The following AGPAT3 variants were observed in gnomAD, a reference collection of about 807,000 sequenced individuals.
AGPAT3 encodes the protein 1-acylglycerol-3-phosphate O-acyltransferase 3.
Under a neutral mutation model 47.3 loss-of-function variants are expected in AGPAT3, and 5 were observed. That is an observed-to-expected ratio of 0.11 (90% CI 0.06 to 0.22). AGPAT3 has a LOEUF of 0.22. Ranked by LOEUF, AGPAT3 falls within the 10% of genes least tolerant of loss-of-function variation. The probability of loss-of-function intolerance (pLI) is 1.00; values close to 1 mark genes in which losing one functional copy is unlikely to be tolerated. For synonymous variants in AGPAT3, 212 were observed against 208.3 expected (o/e 1.02, Z -0.15); for missense variants, 315 against 493.0 (o/e 0.64, Z 3.42).
At chr21:43,888,030 G>C (rs2086019564) in intron 1 of AGPAT3, among the ~76,000 whole-genome samples, 1 of 152,126 alleles carries the variant, frequency 6.6e-6, no homozygotes, top group Non-Finnish European at 1.5e-5. Context: ...AGAAAACATC[G>C]TGTTTTAGTT....
chr21:43,969,080 G>T lies in AGPAT3; in HGVS notation c.349-38G>T, dbSNP rs200326727. ...GCCAAGCCCCTGGCCTCTGTCCGAC[G>T]CTGAAGTGCCAGGTGCCCCTCCTTC... On this transcript the variant is annotated intron_variant, in intron 4 of 9. Transcript: ENST00000291572. The T allele has an allele frequency of 6.8e-6, 11 of 1,609,962 alleles. No homozygotes were observed. In the South Asian group the frequency reaches 1.2e-4, roughly 18 times the overall value.
In AGPAT3 at chr21:43,930,970, G is replaced by A. The variant is rs1358620449; in HGVS notation, c.-49+26951G>A. The stretch of plus-strand genomic sequence containing the variant: ...GTGAGATCCTGGGGCAGGGGCTGTG[G>A]GGGCTCTAGAGTGGGGGTGAACGCA... On this transcript the variant is annotated intron_variant, in intron 2 of 9. Coordinates refer to ENST00000291572, the MANE Select transcript of AGPAT3 (RefSeq NM_020132.5). This position sits in a 1 kb window ranked among gnomAD's most constrained non-coding sequence, Gnocchi z 5.0. Among the ~76,000 whole-genome samples, 4 of 152,298 alleles carry A rather than the reference G, an allele frequency of 2.6e-5. No individual in the cohort carries two copies. In the East Asian group the frequency reaches 7.7e-4, roughly 29 times the overall value.
intron 2 of AGPAT3, among the ~76,000 whole-genome samples, chr21:43,957,099 T>C (rs2088506205): frequency 6.6e-6 from 1 of 152,086 alleles, no homozygotes; most frequent in African/African-American, 2.4e-5. Context: ...TAATGCCCCA[T>C]AGGTTGAGAA....
chr21:43,963,212 A>G (rs997391964), intron 3 of AGPAT3, among the ~76,000 whole-genome samples: 1 of 152,220 alleles, frequency 6.6e-6, no homozygotes, highest in African/African-American at 2.4e-5. Flanking sequence ...GTAAGGACAG[A>G]ATGAGAACCT....
chr21:43,958,474 GTGCTTGCAGTGTGGTATGCACCATA>G (rs1294802716), intron 2 of AGPAT3, among the ~76,000 whole-genome samples: 1 of 151,256 alleles, frequency 6.6e-6, no homozygotes, highest in African/African-American at 2.4e-5. Flanking sequence ...TTGTGGTATG[GTGCTTGCAGTGTGGTATGCACCATA>G]TGTGTGAGCG....
At chr21:43,891,248 C>G (rs1212743586) in intron 1 of AGPAT3, among the ~76,000 whole-genome samples, 7 of 152,240 alleles carry the variant, frequency 4.6e-5, no homozygotes, top group Admixed American at 2.6e-4. Flanking sequence ...ATGTAACACT[C>G]TGGATCTTTG....
Position 43,981,106 on chromosome 21 carries a change from C to T in AGPAT3, c.961C>T (p.Pro321Ser). 6.2e-7 allele frequency: 1 copy of T among 1,614,218 alleles called. No individual in the cohort carries two copies. Among genetic ancestry groups the T allele is most frequent in the Non-Finnish European group, 8.5e-7 (1 of 1,180,040 alleles). Reference sequence around the variant, plus strand: ...GTCCTGGGCCACCATTCTCCTGTCTCCCCTCTTCAGTTTTGTCTTGGGCGT... The same window carrying T: ...GTCCTGGGCCACCATTCTCCTGTCTTCCCTCTTCAGTTTTGTCTTGGGCGT... The part of the protein sequence containing the change: ...FLSWATILLS[P>S]LFSFVLGVFA... The change falls in exon 9 of 10, where the codon CCC becomes TCC. Residue 321 changes from proline (P) to serine (S), a missense_variant. Pro to Ser is a moderately conservative substitution (Grantham distance 74). Transcript: ENST00000291572. The surrounding 1 kb of genome is among the most constrained non-coding windows in gnomAD (Gnocchi z 5.3).
intron 7 of AGPAT3, among the ~76,000 whole-genome samples, chr21:43,974,648 G>T (rs556599969): frequency 4.0e-5 from 6 of 151,366 alleles, no homozygotes; most frequent in Non-Finnish European, 7.4e-5. Flanking sequence ...GGTGTGGTGT[G>T]TATAAATTAT....
rs937812161 is a variant in AGPAT3, at chr21:43,954,340, C to T, written c.-48-5294C>T. On this transcript the variant is annotated intron_variant, in intron 2 of 9. Transcript: ENST00000291572. The surrounding 1 kb of genome is among the most constrained non-coding windows in gnomAD (Gnocchi z 4.0). ...GTGGGGAGGTGGAACAGGGTACCTG[C>T]GAGGTCTGTGAGTGAAACTACACTG... Among the ~76,000 whole-genome samples, 16 of 152,066 alleles carry T rather than the reference C, an allele frequency of 1.1e-4. No individual in the cohort carries two copies. The highest frequency in any genetic ancestry group is 1.3e-4 in the Admixed American group (2 of 15,264).
At chr21:43,882,437 G>A (rs2085874892) in intron 1 of AGPAT3, 1 of 152,326 alleles carries the variant, frequency 6.6e-6, no homozygotes, top group Admixed American at 6.5e-5. Context: ...TGCAGTGAGA[G>A]GGTGGTGGGG....
intron 2 of AGPAT3, among the ~76,000 whole-genome samples, chr21:43,916,024 T>C (rs1316069941): frequency 6.6e-6 from 1 of 152,238 alleles, no homozygotes; most frequent in Non-Finnish European, 1.5e-5. Flanking sequence ...GAGGAATATC[T>C]AAGAAGATAA....
Position 43,920,283 on chromosome 21 carries a change from TGA to T in AGPAT3, c.-49+16268_-49+16269del, listed in dbSNP as rs2086863234. On this transcript the variant is annotated intron_variant, in intron 2 of 9. Transcript: ENST00000291572. This position sits in a 1 kb window ranked among gnomAD's most constrained non-coding sequence, Gnocchi z 6.1. ...TGTGTAAAGCGTGAATGTGTCAGTG[TGA>T]GAGTGTGTGTGTGCGTGTGAGTGTT... 6.6e-6 allele frequency among the ~76,000 whole-genome samples: 1 copy of T among 151,876 alleles called. No homozygotes were observed. Among genetic ancestry groups the T allele is most frequent in the African/African-American group, 2.4e-5 (1 of 41,352 alleles).
intron 1 of AGPAT3, among the ~76,000 whole-genome samples, chr21:43,884,931 T>G (rs1448207557): frequency 6.6e-6 from 1 of 152,242 alleles, no homozygotes; most frequent in Non-Finnish European, 1.5e-5. Flanking sequence ...TTCTCCCACC[T>G]CACATGGGAT....
chr21:43,967,912 C>T (rs374261184), intron 3 of AGPAT3, 34 bp from the exon 4 acceptor site: 19 of 1,603,818 alleles, frequency 1.2e-5, no homozygotes, highest in Non-Finnish European at 8.5e-7. Context: ...GAGGAGGGGT[C>T]CTACCAGTGC....
chr21:43,982,443 C>G lies in AGPAT3; in HGVS notation c.*51C>G. On this transcript the variant is annotated 3_prime_UTR_variant, in exon 10 of 10. Transcript: ENST00000291572. This position sits in a 1 kb window ranked among gnomAD's most constrained non-coding sequence, Gnocchi z 6.2. ...GGCCCTGACGGTGGTATCCAGTTAA[C>G]TCAAAACCAACACACAGAGTGCAGG... The G allele has an allele frequency of 7.4e-7, 1 of 1,354,884 alleles. No individual in the cohort carries two copies. Among genetic ancestry groups the G allele is most frequent in the Non-Finnish European group, 1.1e-6 (1 of 949,948 alleles). 83.9% of individuals were successfully genotyped at this position (1,354,884 alleles called of 1,614,324 possible).
At position 43,970,384 on chromosome 21, in the gene AGPAT3, C is replaced by A. The variant is rs1053828765; in HGVS notation, c.511-269C>A. Among the ~76,000 whole-genome samples, 3 of 152,234 alleles carry A rather than the reference C, an allele frequency of 2.0e-5. No homozygotes were observed. Among genetic ancestry groups the A allele is most frequent in the African/African-American group, 7.2e-5 (3 of 41,466 alleles). ...TTTCACACTGCTCAGAGGCTGCTGC[C>A]CCAACACACCTTCATGTTTCACTTC... On this transcript the variant is annotated intron_variant, in intron 5 of 9. Transcript: ENST00000291572. This position sits in a 1 kb window ranked among gnomAD's most constrained non-coding sequence, Gnocchi z 5.8.
rs562953504 is a variant in AGPAT3 at position 43,974,183 on chromosome 21, T to C, written c.767+2693T>C. On this transcript the variant is annotated intron_variant, in intron 7 of 9. Coordinates refer to ENST00000291572, the MANE Select transcript of AGPAT3 (RefSeq NM_020132.5). The stretch of plus-strand genomic sequence containing the variant: ...GTGTAAATTATGTGTGTGTTGTATA[T>C]GGGTGTGGTATTTGCAGTATAGTGT... 6.6e-5 allele frequency among the ~76,000 whole-genome samples: 10 copies of C among 152,078 alleles called. No individual in the cohort carries two copies. In the South Asian group the frequency reaches 1.9e-3, roughly 28 times the overall value.
At chr21:43,914,098 A>C (rs2086682247) in intron 2 of AGPAT3, among the ~76,000 whole-genome samples, 1 of 152,174 alleles carries the variant, frequency 6.6e-6, no homozygotes, top group South Asian at 2.1e-4. Context: ...CTGCCTCTGC[A>C]GGCAGCCTGT....
intron 2 of AGPAT3, among the ~76,000 whole-genome samples, chr21:43,904,344 C>T (rs1387043390): frequency 2.6e-5 from 4 of 152,166 alleles, no homozygotes; most frequent in African/African-American, 7.2e-5. Flanking sequence ...CAGGGCACAG[C>T]GGACATGGGA....
Sources: allele counts gnomAD v4.1 joint callset (sites outside exome capture counted in the v4.1 genomes callset), GRCh38; gene constraint gnomAD v4.1.1; non-coding constraint Gnocchi (gnomAD v3.1); transcripts MANE v1.5; gene names NCBI Gene and HGNC (gene_info 2026-07-23, HGNC 2026-07-21).